The following MDFIC variants were observed in gnomAD, a reference collection of about 807,000 sequenced individuals.
The protein encoded by MDFIC is MyoD family inhibitor domain containing.
In MDFIC, 17 loss-of-function variants were observed where a neutral mutation model predicts 23.2. The observed-to-expected ratio is 0.73, with a 90% CI of 0.50 to 1.10. MDFIC has a LOEUF of 1.10. MDFIC is among the 50% of genes least tolerant of loss of function. The pLI is 0.00. For missense variants in MDFIC, 356 were observed against 316.6 expected, an observed-to-expected ratio of 1.12 and a Z score of -0.95; for synonymous variants, 120 against 115.2, an observed-to-expected ratio of 1.04 and a Z score of -0.27.
chr7:114,984,625 C>A lies in MDFIC; in HGVS notation c.493+4844C>A, dbSNP rs192919758. Among the ~76,000 whole-genome samples the A allele has an allele frequency of 2.8e-3, 429 of 152,194 alleles. 1 individual carries two copies. Among genetic ancestry groups the A allele is most frequent in the Non-Finnish European group, 3.3e-3 (227 of 67,978 alleles). ...ATATTTTCATACATACTTTAATTTTCTGATTGCATCACCCAGGTGGAGAGT... is the reference window on the plus strand; with the variant it reads ...ATATTTTCATACATACTTTAATTTTATGATTGCATCACCCAGGTGGAGAGT... On this transcript the variant is annotated intron_variant, in intron 4 of 4. Transcript: ENST00000393486.
intron 4 of MDFIC, chr7:115,014,046 C>G (rs927249648): frequency 1.0e-6 from 1 of 985,212 alleles, no homozygotes; most frequent in Non-Finnish European, 1.2e-6. Context: ...ACAGTGTGTC[C>G]TTCTACAAAC....
Position 114,971,886 on chromosome 7 carries a change from G to A in MDFIC, c.218-7620G>A, listed in dbSNP as rs981782841. 6.5e-4 allele frequency among the ~76,000 whole-genome samples: 99 copies of A among 151,912 alleles called. 2 individuals are homozygous for A. The highest frequency in any genetic ancestry group is 6.5e-3 in the Admixed American group (99 of 15,226). On this transcript the variant is annotated intron_variant, in intron 3 of 4. Transcript: ENST00000393486. Reference sequence around the variant, plus strand: ...TTCTGAAAAGTGAAAGAAAATGTTTGTATATTAACTTGAAAATGTTTATTT... The same window carrying A: ...TTCTGAAAAGTGAAAGAAAATGTTTATATATTAACTTGAAAATGTTTATTT...
intron 4 of MDFIC, chr7:115,014,135 T>C: frequency 1.0e-6 from 1 of 985,424 alleles, no homozygotes; most frequent in Non-Finnish European, 1.2e-6. Flanking sequence ...TGTATGACTT[T>C]GTGTTTCCAC....
chr7:115,014,537 A>G (rs1262755170), intron 4 of MDFIC: 5 of 1,287,940 alleles, frequency 3.9e-6, no homozygotes, highest in Non-Finnish European at 3.0e-6. Context: ...GACAATGGTA[A>G]GAGGGTGGGG....
At position 115,018,332 on chromosome 7, in the gene MDFIC, A is replaced by G. The variant is rs1256069850; in HGVS notation, c.*2397A>G. 6.6e-6 allele frequency: 1 copy of G among 152,002 alleles called. No homozygotes were observed. Among genetic ancestry groups the G allele is most frequent in the African/African-American group, 2.4e-5 (1 of 41,432 alleles). The allele number at this position is 152,002 out of a possible 1,614,324, so 9.4% of individuals were successfully genotyped here. A position where few individuals can be genotyped will look rare whatever the true frequency, so the allele number is the denominator to read the frequency against. Reference sequence around the variant, plus strand: ...TTTTTATATGCAAAGTTTTTCAACCAAGTGGTTTGTCTAATATTTAAACAT... The same window carrying G: ...TTTTTATATGCAAAGTTTTTCAACCGAGTGGTTTGTCTAATATTTAAACAT... On this transcript the variant is annotated 3_prime_UTR_variant, in exon 5 of 5. Transcript: ENST00000393486.
At chr7:114,993,795 C>T (rs10240788) in intron 4 of MDFIC, among the ~76,000 whole-genome samples, 64,489 of 151,954 alleles carry the variant, frequency 0.42, 13,866 homozygotes, top group Middle Eastern at 0.47. Context: ...GGAATAAGTG[C>T]GATATGGTGC....
chr7:114,924,892 G>C (rs552323048), intron 2 of MDFIC, among the ~76,000 whole-genome samples: 2 of 152,128 alleles, frequency 1.3e-5, no homozygotes, highest in African/African-American at 4.8e-5. Flanking sequence ...GCTTGGTTAG[G>C]TTGGTTTTAT....
At chr7:114,945,416 T>C (rs1792625570) in intron 3 of MDFIC, among the ~76,000 whole-genome samples, 2 of 152,222 alleles carry the variant, frequency 1.3e-5, no homozygotes, top group South Asian at 2.1e-4. Context: ...GCGGACTACC[T>C]GCTTGAACTC....
At position 114,979,701 on chromosome 7, in the gene MDFIC, GCTTGTCT is replaced by G; in HGVS notation, c.414_420del (p.Ser138ArgfsTer2). 6.2e-7 allele frequency: 1 copy of G among 1,614,104 alleles called. No individual in the cohort carries two copies. Among genetic ancestry groups the G allele is most frequent in the Non-Finnish European group, 8.5e-7 (1 of 1,179,994 alleles). Reference sequence around the variant, plus strand: ...AAAATGCATAGAAAAATTCAGTCCAGCTTGTCTGTAAACAGCGATATCAGTAAGAAGA... The same window carrying G: ...AAAATGCATAGAAAAATTCAGTCCAGGTAAACAGCGATATCAGTAAGAAGA... On this transcript the variant is annotated frameshift_variant, in exon 4 of 5. Coordinates refer to ENST00000393486, the MANE Select transcript of MDFIC (RefSeq NM_001166345.3). LOFTEE classifies it high-confidence loss of function.
At chr7:114,987,389 C>T (rs1340091858) in intron 4 of MDFIC, among the ~76,000 whole-genome samples, 1 of 152,144 alleles carries the variant, frequency 6.6e-6, no homozygotes, top group Non-Finnish European at 1.5e-5. Context: ...AATAGGAGCT[C>T]ATGATATGAC....
intron 4 of MDFIC, among the ~76,000 whole-genome samples, chr7:115,004,173 A>G (rs554706365): frequency 1.3e-5 from 2 of 152,218 alleles, no homozygotes; most frequent in Non-Finnish European, 2.9e-5. Flanking sequence ...AAGCCACTAT[A>G]TAAAGATTTT....
chr7:114,982,356 G>A (rs1490984363), intron 4 of MDFIC, among the ~76,000 whole-genome samples: 2 of 152,202 alleles, frequency 1.3e-5, no homozygotes, highest in South Asian at 2.1e-4. Flanking sequence ...AGATTTAGTG[G>A]CTAGGTGTCT....
intron 4 of MDFIC, among the ~76,000 whole-genome samples, chr7:115,005,964 G>T (rs773490627): frequency 2.6e-5 from 4 of 152,122 alleles, no homozygotes; most frequent in African/African-American, 7.2e-5. Flanking sequence ...GTCTCATTTC[G>T]CTGTAACATT....
At chr7:115,005,732 AAATT>A (rs1791556747) in intron 4 of MDFIC, among the ~76,000 whole-genome samples, 1 of 152,204 alleles carries the variant, frequency 6.6e-6, no homozygotes, top group African/African-American at 2.4e-5. Context: ...TTTGTACACT[AAATT>A]AAGGCGGAGG....
At chr7:114,929,881 G>A (rs541770618) in intron 2 of MDFIC, among the ~76,000 whole-genome samples, 1 of 152,236 alleles carries the variant, frequency 6.6e-6, no homozygotes, top group Non-Finnish European at 1.5e-5. Context: ...GGGATGGAAT[G>A]GGATGAAGGG....
intron 2 of MDFIC, among the ~76,000 whole-genome samples, chr7:114,932,731 AG>A (rs1792338533): frequency 6.6e-6 from 1 of 152,342 alleles, no homozygotes; most frequent in South Asian, 2.1e-4. Flanking sequence ...CTCTACAGCA[AG>A]GGTGGGGAGG....
chr7:114,922,335 G>A lies in MDFIC; in HGVS notation c.-409G>A, dbSNP rs373123370. ...GTGTTTCAGGATTGTAGGAGTGGAAGAGGGGAAAGAGAGGCAGAGAGGGGG... is the reference window on the plus strand; with the variant it reads ...GTGTTTCAGGATTGTAGGAGTGGAAAAGGGGAAAGAGAGGCAGAGAGGGGG... On this transcript the variant is annotated 5_prime_UTR_variant, in exon 1 of 5. Coordinates refer to ENST00000393486, the MANE Select transcript of MDFIC (RefSeq NM_001166345.3). The A allele has an allele frequency of 1.5e-5, 16 of 1,079,378 alleles. No individual in the cohort carries two copies. Among genetic ancestry groups the A allele is most frequent in the Middle Eastern group, 3.4e-4 (1 of 2,956 alleles). The allele number at this position is 1,079,378 out of a possible 1,614,324, so 66.9% of individuals were successfully genotyped here.
At chr7:114,936,596 C>T (rs1481002098) in intron 2 of MDFIC, among the ~76,000 whole-genome samples, 1 of 151,882 alleles carries the variant, frequency 6.6e-6, no homozygotes, top group Non-Finnish European at 1.5e-5. Flanking sequence ...CCAACCTGAC[C>T]AAGAATAAAA....
At chr7:114,951,947 GA>G (rs1201751610) in intron 3 of MDFIC, among the ~76,000 whole-genome samples, 1 of 152,146 alleles carries the variant, frequency 6.6e-6, no homozygotes, top group Non-Finnish European at 1.5e-5. Flanking sequence ...TGAATTTCAA[GA>G]GAACAACAGC....
Sources: gnomAD v4.1 joint callset for allele counts (sites outside exome capture counted in the v4.1 genomes callset) on GRCh38, gnomAD v4.1.1 for gene constraint, MANE v1.5 for transcripts, NCBI Gene and HGNC (gene_info 2026-07-23, HGNC 2026-07-21) for gene names.